The following PDE10A variants were observed in gnomAD, a reference collection of about 807,000 sequenced individuals.
The protein encoded by PDE10A is phosphodiesterase 10A, also known as cAMP and cAMP-inhibited cGMP 3',5'-cyclic phosphodiesterase 10A.
PDE10A carries 39 observed loss-of-function variants against 97.7 expected under a neutral mutation model. That is an observed-to-expected ratio of 0.40 (90% CI 0.31 to 0.52). PDE10A has a LOEUF of 0.52. Ranked by LOEUF, PDE10A falls within the 20% of genes least tolerant of loss-of-function variation. The pLI, the probability that PDE10A is intolerant of heterozygous loss-of-function variation, is 0.56. For synonymous variants in PDE10A, 371 were observed against 376.8 expected (o/e 0.98, Z 0.18); for missense variants, 731 against 1,047.8 (o/e 0.70, Z 4.17).
chr6:165,361,854 T>C (rs950232919), intron 18 of PDE10A, among the ~76,000 whole-genome samples: 10 of 152,168 alleles, frequency 6.6e-5, no homozygotes, highest in African/African-American at 9.7e-5. Flanking sequence ...CCTTAAGAAT[T>C]GTGAGAAAAT....
intron 1 of PDE10A, among the ~76,000 whole-genome samples, chr6:165,610,406 C>A (rs538795758): frequency 3.3e-3 from 506 of 152,182 alleles, no homozygotes; most frequent in Non-Finnish European, 6.3e-3. Context: ...TGGCAGGCGC[C>A]TGTAGTCCCA....
chr6:165,823,733 A>C (rs1240234113), intron 1 of PDE10A, among the ~76,000 whole-genome samples: 2 of 151,982 alleles, frequency 1.3e-5, no homozygotes, highest in Non-Finnish European at 2.9e-5. Flanking sequence ...GTTTACACCA[A>C]TATCACTACA....
At chr6:165,723,343 T>A (rs1010962813) in intron 1 of PDE10A, among the ~76,000 whole-genome samples, 15 of 152,262 alleles carry the variant, frequency 9.9e-5, no homozygotes, top group African/African-American at 3.4e-4. Flanking sequence ...CTCAGCCCTT[T>A]ATTTTCTCTG....
At chr6:165,885,919 A>T (rs1451404722) in intron 1 of PDE10A, among the ~76,000 whole-genome samples, 1 of 152,246 alleles carries the variant, frequency 6.6e-6, no homozygotes, top group East Asian at 1.9e-4. Flanking sequence ...GACCTTACAG[A>T]TAAGTAAGTT....
intron 5 of PDE10A, among the ~76,000 whole-genome samples, chr6:165,440,745 A>G (rs1290440740): frequency 6.6e-6 from 1 of 152,182 alleles, no homozygotes; most frequent in Admixed American, 6.5e-5. Context: ...ATAACAAAAC[A>G]ACTGTTTAAC....
At chr6:165,387,984 G>A (rs1210655549) in intron 17 of PDE10A, among the ~76,000 whole-genome samples, 1 of 152,068 alleles carries the variant, frequency 6.6e-6, no homozygotes, top group Non-Finnish European at 1.5e-5. Context: ...TCTTGTTCAA[G>A]AATATGATAA....
intron 10 of PDE10A, among the ~76,000 whole-genome samples, chr6:165,423,212 C>G (rs1788850329): frequency 6.6e-6 from 1 of 152,144 alleles, no homozygotes; most frequent in South Asian, 2.1e-4. Context: ...CCTGAACATT[C>G]AATGGCTTTT....
intron 1 of PDE10A, chr6:165,947,112 A>G (rs1474948171): frequency 6.6e-6 from 1 of 151,966 alleles, no homozygotes; most frequent in Non-Finnish European, 1.5e-5. Context: ...CTTCTTTATC[A>G]ATGACGTGCA....
chr6:165,499,959 T>A (rs1780767547), intron 2 of PDE10A, among the ~76,000 whole-genome samples: 1 of 152,100 alleles, frequency 6.6e-6, no homozygotes, highest in South Asian at 2.1e-4. Flanking sequence ...ATAAAGAGAA[T>A]CTGTAAAAAG....
chr6:165,577,099 A>G (rs189716100), intron 1 of PDE10A, among the ~76,000 whole-genome samples: 108 of 152,336 alleles, frequency 7.1e-4, no homozygotes, highest in Admixed American at 1.2e-3. Context: ...GAGTAACTGA[A>G]TCCATCAATC....
At chr6:165,515,499 CA>C (rs1781743590) in intron 2 of PDE10A, among the ~76,000 whole-genome samples, 1 of 149,776 alleles carries the variant, frequency 6.7e-6, no homozygotes, top group African/African-American at 2.5e-5. Context: ...TACACACACA[CA>C]CACACATATA....
intron 16 of PDE10A, among the ~76,000 whole-genome samples, chr6:165,391,999 G>T (rs1388992931): frequency 6.6e-6 from 1 of 152,154 alleles, no homozygotes; most frequent in Non-Finnish European, 1.5e-5. Flanking sequence ...TGTGGTCAGA[G>T]GGAGGGATAT....
chr6:165,771,274 TG>T (rs942863178), intron 1 of PDE10A, among the ~76,000 whole-genome samples: 1 of 152,170 alleles, frequency 6.6e-6, no homozygotes, highest in African/African-American at 2.4e-5. Flanking sequence ...TGTAGAACCC[TG>T]GGGGCCCAGA....
At chr6:165,940,104 C>G (rs1783461486) in intron 1 of PDE10A, 1 of 152,214 alleles carries the variant, frequency 6.6e-6, no homozygotes, top group Non-Finnish European at 1.5e-5. Flanking sequence ...GGAGCGTCCC[C>G]AAAACTGAGC....
intron 1 of PDE10A, among the ~76,000 whole-genome samples, chr6:165,629,072 C>T (rs147838787): frequency 5.3e-5 from 8 of 151,212 alleles, no homozygotes; most frequent in South Asian, 2.1e-4. Flanking sequence ...TTTTGATGTG[C>T]GAGTGGGTAG....
At chr6:165,407,080 G>A (rs1011489356) in intron 13 of PDE10A, among the ~76,000 whole-genome samples, 2 of 152,104 alleles carry the variant, frequency 1.3e-5, no homozygotes, top group African/African-American at 2.4e-5. Flanking sequence ...ATAATCATAT[G>A]AACCAATTTC....
chr6:165,681,424 G>GTGTGTGTC (rs1554304484), intron 1 of PDE10A, among the ~76,000 whole-genome samples: 5 of 149,212 alleles, frequency 3.4e-5, no homozygotes, highest in African/African-American at 7.5e-5. Context: ...GTGTGTGTGT[G>GTGTGTGTC]TGTGTCTGTG....
At chr6:165,814,337 G>A (rs2128467830) in intron 1 of PDE10A, among the ~76,000 whole-genome samples, 1 of 152,218 alleles carries the variant, frequency 6.6e-6, no homozygotes, top group Admixed American at 6.5e-5. Flanking sequence ...GTAACATGGG[G>A]CAAAACGATC....
At chr6:165,842,199 A>AT (rs923194868) in intron 1 of PDE10A, among the ~76,000 whole-genome samples, 17 of 151,388 alleles carry the variant, frequency 1.1e-4, no homozygotes, top group African/African-American at 1.9e-4. Flanking sequence ...AATGTTATAC[A>AT]TTTTTTTTTA....
Sources: allele counts gnomAD v4.1 joint callset (sites outside exome capture counted in the v4.1 genomes callset), GRCh38; gene constraint gnomAD v4.1.1; transcripts MANE v1.5; gene names NCBI Gene and HGNC (gene_info 2026-07-23, HGNC 2026-07-21).